CD163L1: variants seen among roughly 807,000 people sequenced by gnomAD.
CD163L1 encodes the protein scavenger receptor cysteine-rich type 1 protein M160.
Under a neutral mutation model 165.4 loss-of-function variants are expected in CD163L1, and 124 were observed. The ratio of observed to expected loss-of-function variants is 0.75; its 90% CI spans 0.65 to 0.87. The LOEUF (loss-of-function observed/expected upper bound fraction) is 0.87, where lower values mean the gene tolerates loss of function less well. Among genes scored for constraint, CD163L1 ranks in the 40% least tolerant of loss-of-function variants. The pLI, the probability that CD163L1 is intolerant of heterozygous loss-of-function variation, is 0.00. For missense variants in CD163L1, 1,525 were observed against 1,799.9 expected (o/e 0.85, Z 2.76); for synonymous variants, 585 against 662.2 (o/e 0.88, Z 1.79).
At chr12:7,377,149 C>T (rs1326658172) in intron 9 of CD163L1, among the ~76,000 whole-genome samples, 1 of 152,156 alleles carries the variant, frequency 6.6e-6, no homozygotes, top group Non-Finnish European at 1.5e-5. Context: ...TAATCTTGCC[C>T]CAAGGCTTTT....
chr12:7,371,352 G>A (rs776571792), intron 14 of CD163L1, among the ~76,000 whole-genome samples: 1 of 152,158 alleles, frequency 6.6e-6, no homozygotes, highest in Non-Finnish European at 1.5e-5. Flanking sequence ...AATAGCTATA[G>A]TTATTCTCTT....
chr12:7,416,884 C>T (rs1206515365), intron 4 of CD163L1, among the ~76,000 whole-genome samples: 2 of 151,952 alleles, frequency 1.3e-5, no homozygotes, highest in Non-Finnish European at 2.9e-5. Context: ...TTGCTTAGGA[C>T]TGTCTTGGCC....
chr12:7,373,225 T>C lies in CD163L1; in HGVS notation c.3730+95A>G, dbSNP rs561858024. The C allele has an allele frequency of 1.3e-4, 130 of 1,019,688 alleles. 1 individual carries two copies. Among genetic ancestry groups the C allele is most frequent in the African/African-American group, 9.2e-4 (57 of 62,130 alleles). 63.2% of individuals were successfully genotyped at this position (1,019,688 alleles called of 1,614,324 possible). A position where few individuals can be genotyped will look rare whatever the true frequency, so the allele number is the denominator to read the frequency against. ...TTATTGTCATGCACTTTTCAGTGAG[T>C]CTGCCATGTGCTCCTGAATGGAAAG... On this transcript the variant is annotated intron_variant, in intron 14 of 19. Transcript: ENST00000313599.
At chr12:7,351,562 CCTT>C (rs1425148454), downstream of CD163L1, among the ~76,000 whole-genome samples, 3 of 152,136 alleles carry the variant, frequency 2.0e-5, no homozygotes, top group African/African-American at 7.2e-5. Flanking sequence ...TACATTACCT[CCTT>C]AAGGCCCTAT....
the CD163L1 span, among the ~76,000 whole-genome samples, chr12:7,335,028 G>T: frequency 7.9e-4 from 120 of 152,202 alleles, 1 homozygote; most frequent in East Asian, 6.2e-3. Context: ...CATGCTCATG[G>T]GTAGGAAGAA....
At chr12:7,421,026 T>TATATATATATACGTGTATATATATAC (rs1948344653) in intron 4 of CD163L1, among the ~76,000 whole-genome samples, 3 of 119,314 alleles carry the variant, frequency 2.5e-5, no homozygotes, top group African/African-American at 8.0e-5. Context: ...TATATATACA[T>TATATATATATACGTGTATATATATAC]ATATATATAC....
rs73272415 is a variant in CD163L1, at chr12:7,371,775, A to C, written c.3730+1545T>G. On this transcript the variant is annotated intron_variant, in intron 14 of 19. Coordinates refer to ENST00000313599, the MANE Select transcript of CD163L1 (RefSeq NM_174941.6). ...TTGGTGCATAAGATTATAGTATATC[A>C]TATGGTAAAAAATATATATGCTTTA... is the stretch of plus-strand genomic sequence containing the variant. Among the ~76,000 whole-genome samples, 970 of 152,148 alleles carry C rather than the reference A, an allele frequency of 6.4e-3. 5 individuals carry two copies. The highest frequency in any genetic ancestry group is 0.022 in the African/African-American group (926 of 41,554).
intron 4 of CD163L1, among the ~76,000 whole-genome samples, chr12:7,431,427 C>CAAAA: frequency 6.8e-6 from 1 of 147,434 alleles, no homozygotes; most frequent in African/African-American, 2.5e-5. Flanking sequence ...AGACTCCATC[C>CAAAA]AAAAAAAAAA....
At chr12:7,406,157 T>C (rs1948010389) in intron 5 of CD163L1, among the ~76,000 whole-genome samples, 1 of 152,196 alleles carries the variant, frequency 6.6e-6, no homozygotes, top group Non-Finnish European at 1.5e-5. Flanking sequence ...AATATAGTTG[T>C]GTCTATGAAT....
At chr12:7,345,131 GC>G (rs763808475), downstream of CD163L1, among the ~76,000 whole-genome samples, 3 of 148,398 alleles carry the variant, frequency 2.0e-5, no homozygotes, top group Non-Finnish European at 3.0e-5. Context: ...TACTGATAAT[GC>G]TTTTTTTTTT....
chr12:7,396,132 G>A lies in CD163L1; in HGVS notation c.2013C>T (p.Asp671=). The A allele has an allele frequency of 6.2e-7, 1 of 1,614,064 alleles. No homozygotes were observed. The highest frequency in any genetic ancestry group is 8.5e-7 in the Non-Finnish European group (1 of 1,179,974). Residue 671 remains aspartate (D), a synonymous_variant, in exon 8 of 20, where the codon GAC becomes GAT. Transcript: ENST00000313599. ...SCRNSGWGNN[D]CSHSEDVGVI... ...CTCCAACATCTTCACTGTGACTGCA[G>A]TCATTATTTCCCCACCCACTGTTCC...
rs1193959980 is a variant in CD163L1 at position 7,372,444 on chromosome 12, C to T, written c.3730+876G>A. Among the ~76,000 whole-genome samples, 2 of 151,958 alleles carry T rather than the reference C, an allele frequency of 1.3e-5. No homozygotes were observed. Among genetic ancestry groups the T allele is most frequent in the African/African-American group, 4.8e-5 (2 of 41,412 alleles). ...GATGCTTATAATGGCATTATTTATA[C>T]TAGTTTGACATTGAGAAATAGCCTT... On this transcript the variant is annotated intron_variant, in intron 14 of 19. Coordinates refer to ENST00000313599, the MANE Select transcript of CD163L1 (RefSeq NM_174941.6). This position sits in a 1 kb window ranked among gnomAD's most constrained non-coding sequence, Gnocchi z 4.2.
chr12:7,370,566 CA>C (rs1947123892), intron 14 of CD163L1, among the ~76,000 whole-genome samples: 1 of 152,006 alleles, frequency 6.6e-6, no homozygotes, highest in Non-Finnish European at 1.5e-5. Context: ...GGCTTCTATT[CA>C]AAAGGGTTTT....
At chr12:7,353,031 T>C (rs1179560600), downstream of CD163L1, among the ~76,000 whole-genome samples, 5 of 152,108 alleles carry the variant, frequency 3.3e-5, no homozygotes, top group African/African-American at 1.2e-4. Flanking sequence ...AAAGCAGCTA[T>C]TTAAATAAGT....
chr12:7,374,605 G>C lies in CD163L1; in HGVS notation c.3246C>G (p.Ala1082=). Residue 1082 remains alanine (A), a synonymous_variant, in exon 13 of 20, where the codon GCC becomes GCG. Transcript: ENST00000313599. This position sits in a 1 kb window ranked among gnomAD's most constrained non-coding sequence, Gnocchi z 5.4. The part of the protein sequence containing the change: ...VVCQKLGCGV[A]FNATVSAHFG... ...AGTGAGCAGAGACCGTGGCATTGAA[G>C]GCCACTCCACAGCCCAGCTTTTGAC... The C allele has an allele frequency of 6.2e-7, 1 of 1,614,194 alleles. No homozygotes were observed.
At chr12:7,413,636 G>A (rs1352929011) in intron 4 of CD163L1, among the ~76,000 whole-genome samples, 1 of 152,184 alleles carries the variant, frequency 6.6e-6, no homozygotes, top group Non-Finnish European at 1.5e-5. Flanking sequence ...TAACTTGTGT[G>A]GTCTTCCCCA....
In CD163L1 at chr12:7,403,610, G is replaced by A; in HGVS notation, c.1333C>T (p.Leu445Phe). The stretch of plus-strand genomic sequence containing the variant: ...TTTCCATCATATGTGCAGTCCCAGA[G>A]AGCTGACTCATTCCCAGTGCAAGAT... ...SISCTGNESA[L>F]WDCTYDGKAK... The change falls in exon 6 of 20, where the codon CTC becomes TTC. Residue 445 changes from leucine (L) to phenylalanine (F), a missense_variant. Coordinates refer to ENST00000313599, the MANE Select transcript of CD163L1 (RefSeq NM_174941.6). The A allele has an allele frequency of 1.2e-6, 2 of 1,613,920 alleles. No individual in the cohort carries two copies. The highest frequency in any genetic ancestry group is 1.7e-6 in the Non-Finnish European group (2 of 1,179,946).
intron 18 of CD163L1, among the ~76,000 whole-genome samples, chr12:7,365,306 G>T (rs1224551834): frequency 2.0e-5 from 3 of 151,978 alleles, no homozygotes; most frequent in Non-Finnish European, 2.9e-5. Flanking sequence ...CTGAAACTAT[G>T]AAACAATTAG....
chr12:7,389,800 C>A (rs1310705783), intron 8 of CD163L1, among the ~76,000 whole-genome samples: 1 of 151,292 alleles, frequency 6.6e-6, no homozygotes, highest in Non-Finnish European at 1.5e-5. Context: ...CTAGCATGTA[C>A]CCACAGACAT....
Sources: allele counts gnomAD v4.1 joint callset (sites outside exome capture counted in the v4.1 genomes callset), GRCh38; gene constraint gnomAD v4.1.1; non-coding constraint Gnocchi (gnomAD v3.1); transcripts MANE v1.5; gene names NCBI Gene and HGNC (gene_info 2026-07-23, HGNC 2026-07-21).